Variants in ST6GAL1 observed in about 807,000 individuals in gnomAD.
The protein encoded by ST6GAL1 is beta-galactoside alpha-2,6-sialyltransferase 1.
In ST6GAL1, 20 loss-of-function variants were observed where a neutral mutation model predicts 38.0. The ratio of observed to expected loss-of-function variants is 0.53; its 90% CI spans 0.37 to 0.77. The LOEUF (loss-of-function observed/expected upper bound fraction) is 0.77. Among genes scored for constraint, ST6GAL1 ranks in the 30% least tolerant of loss-of-function variants. The probability of loss-of-function intolerance (pLI) is 0.00; values close to 1 mark genes in which losing one functional copy is unlikely to be tolerated. For synonymous variants in ST6GAL1, 196 were observed against 188.2 expected (o/e 1.04, Z -0.34); for missense variants, 432 against 496.4 (o/e 0.87, Z 1.23).
chr3:186,943,518 C>T (rs1048101330), intron 1 of ST6GAL1, among the ~76,000 whole-genome samples: 7 of 152,078 alleles, frequency 4.6e-5, no homozygotes, highest in East Asian at 1.9e-4. Context: ...GGTGCGATCT[C>T]GGCTCACTGC....
intron 2 of ST6GAL1, among the ~76,000 whole-genome samples, chr3:187,022,155 A>C (rs1717331893): frequency 6.6e-6 from 1 of 152,236 alleles, no homozygotes; most frequent in African/African-American, 2.4e-5. Flanking sequence ...CTTGGACACT[A>C]AGCCCTCAAT....
At chr3:187,072,564 G>T (rs556240566) in intron 5 of ST6GAL1, 16 of 380,372 alleles carry the variant, frequency 4.2e-5, no homozygotes, top group African/African-American at 2.5e-4. Flanking sequence ...CTGGGATGCC[G>T]TGCTATTTTC....
intron 5 of ST6GAL1, chr3:187,064,651 A>G: frequency 2.2e-6 from 1 of 456,086 alleles, no homozygotes; most frequent in Non-Finnish European, 4.4e-6. Context: ...TCCTGTAAGC[A>G]ACACTAAGTA....
chr3:187,073,031 G>A, intron 6 of ST6GAL1, 84 bp downstream of exon 6: 1 of 1,029,554 alleles, frequency 9.7e-7, no homozygotes, highest in Non-Finnish European at 1.5e-6. Flanking sequence ...TTAAAGTCAT[G>A]GCTGACATTG....
intron 1 of ST6GAL1, among the ~76,000 whole-genome samples, chr3:186,939,932 G>A (rs1714106413): frequency 6.6e-6 from 1 of 152,130 alleles, no homozygotes; most frequent in African/African-American, 2.4e-5. Flanking sequence ...GGGAAGACAG[G>A]GTCCCTTTTC....
chr3:187,027,422 A>G (rs1717581483), intron 2 of ST6GAL1, among the ~76,000 whole-genome samples: 1 of 152,090 alleles, frequency 6.6e-6, no homozygotes, highest in African/African-American at 2.4e-5. Flanking sequence ...CTCCCAGACT[A>G]CTTGAATCAG....
intron 2 of ST6GAL1, among the ~76,000 whole-genome samples, chr3:186,999,473 A>G (rs142782662): frequency 0.084 from 12,508 of 148,532 alleles, 570 homozygotes; most frequent in Middle Eastern, 0.15. Flanking sequence ...GTGCAGTGGC[A>G]CGATCTCGGC....
chr3:186,943,776 CAA>C (rs909576295), intron 1 of ST6GAL1, among the ~76,000 whole-genome samples: 2 of 152,186 alleles, frequency 1.3e-5, no homozygotes, highest in African/African-American at 4.8e-5. Flanking sequence ...GGCGAGGAAA[CAA>C]AGGTTGAAGG....
chr3:187,038,047 T>A (rs1374223301), intron 2 of ST6GAL1, among the ~76,000 whole-genome samples: 2 of 152,120 alleles, frequency 1.3e-5, no homozygotes, highest in Non-Finnish European at 2.9e-5. Flanking sequence ...AATAATTTTT[T>A]GAAAATCTGT....
At chr3:186,976,497 T>C (rs997575135) in intron 2 of ST6GAL1, among the ~76,000 whole-genome samples, 1 of 152,130 alleles carries the variant, frequency 6.6e-6, no homozygotes, top group African/African-American at 2.4e-5. Context: ...TGGCACTATC[T>C]CGGCTCACTG....
chr3:187,027,928 A>G (rs1717603123), intron 2 of ST6GAL1, among the ~76,000 whole-genome samples: 1 of 152,222 alleles, frequency 6.6e-6, no homozygotes. Flanking sequence ...TAGGTGAAGA[A>G]TATGCATCAA....
chr3:186,990,820 GA>G (rs111445205), intron 2 of ST6GAL1, among the ~76,000 whole-genome samples: 90 of 142,000 alleles, frequency 6.3e-4, no homozygotes, highest in Middle Eastern at 3.6e-3. Flanking sequence ...TCTCAAAAAA[GA>G]AAAAAAAAAA....
intron 2 of ST6GAL1, among the ~76,000 whole-genome samples, chr3:186,995,377 G>A (rs1384706646): frequency 6.6e-6 from 1 of 151,604 alleles, no homozygotes; most frequent in Non-Finnish European, 1.5e-5. Context: ...GTGGTGGCAT[G>A]TACCTGTGGT....
chr3:187,064,543 G>C, intron 5 of ST6GAL1: 1 of 456,688 alleles, frequency 2.2e-6, no homozygotes, highest in Non-Finnish European at 4.4e-6. Context: ...ATTGTGCCAG[G>C]GCTGCGAGGA....
intron 2 of ST6GAL1, among the ~76,000 whole-genome samples, chr3:186,971,578 C>A (rs1715352090): frequency 6.6e-6 from 1 of 152,230 alleles, no homozygotes; most frequent in Non-Finnish European, 1.5e-5. Flanking sequence ...AAACCCCCTC[C>A]CATCATTTTC....
At chr3:187,027,221 A>C (rs1717570676) in intron 2 of ST6GAL1, among the ~76,000 whole-genome samples, 1 of 152,186 alleles carries the variant, frequency 6.6e-6, no homozygotes, top group Non-Finnish European at 1.5e-5. Flanking sequence ...TGTAAAAGTC[A>C]CTTACACTCC....
intron 2 of ST6GAL1, among the ~76,000 whole-genome samples, chr3:187,031,704 G>A (rs987350919): frequency 1.2e-4 from 19 of 152,120 alleles, no homozygotes; most frequent in African/African-American, 3.9e-4. Context: ...CAAGGTGCTG[G>A]GATTACAGGC....
chr3:186,982,164 C>G (rs1037341102), intron 2 of ST6GAL1, among the ~76,000 whole-genome samples: 1 of 152,178 alleles, frequency 6.6e-6, no homozygotes, highest in African/African-American at 2.4e-5. Flanking sequence ...ACCATTTTGC[C>G]TCATTAGAAT....
intron 2 of ST6GAL1, among the ~76,000 whole-genome samples, chr3:186,993,590 TTATTTATTTATTTA>T: frequency 9.7e-6 from 1 of 102,566 alleles, no homozygotes; most frequent in African/African-American, 3.2e-5. Context: ...ATTTATTTAT[TTATTTATTTATTTA>T]TATGTTTTAG....
Sources: gnomAD v4.1 joint callset for allele counts (sites outside exome capture counted in the v4.1 genomes callset) on GRCh38, gnomAD v4.1.1 for gene constraint, MANE v1.5 for transcripts, NCBI Gene and HGNC (gene_info 2026-07-23, HGNC 2026-07-21) for gene names.